CDC123: variants seen among roughly 807,000 people sequenced by gnomAD.
CDC123 encodes cell division cycle 123, also known as translation initiation factor eIF2 assembly protein.
A neutral mutation model predicts 54.4 loss-of-function variants in CDC123; 37 were observed. The observed-to-expected ratio is 0.68, with a 90% CI of 0.52 to 0.89. The LOEUF is 0.89. Among genes scored for constraint, CDC123 ranks in the 40% least tolerant of loss-of-function variants. CDC123 has a pLI of 0.00. For missense variants in CDC123, 361 were observed against 412.1 expected, an observed-to-expected ratio of 0.88 and a Z score of 1.07; for synonymous variants, 144 against 136.8, an observed-to-expected ratio of 1.05 and a Z score of -0.37.
intron 10 of CDC123, 54 bp from the exon 11 acceptor site, chr10:12,246,095 G>T (rs199634261): frequency 4.8e-5 from 76 of 1,575,802 alleles, no homozygotes; most frequent in Non-Finnish European, 5.3e-5. Context: ...TTCTTTCTCA[G>T]AAGACAGAGT....
intron 6 of CDC123, among the ~76,000 whole-genome samples, chr10:12,230,367 A>G (rs151289418): frequency 1.1e-4 from 17 of 151,960 alleles, no homozygotes; most frequent in African/African-American, 3.6e-4. Flanking sequence ...TAATTTTTGT[A>G]TTTTTACTAG....
chr10:12,198,421 A>C (rs2131728022), intron 1 of CDC123, among the ~76,000 whole-genome samples: 1 of 152,276 alleles, frequency 6.6e-6, no homozygotes, highest in Non-Finnish European at 1.5e-5. Context: ...TGTTGTGCTC[A>C]CTCAGAATCC....
intron 6 of CDC123, among the ~76,000 whole-genome samples, chr10:12,221,149 AT>A (rs1449605281): frequency 6.6e-6 from 1 of 151,974 alleles, no homozygotes; most frequent in Admixed American, 6.6e-5. Flanking sequence ...CAAAAAAAAA[AT>A]GTTACAGTCA....
intron 2 of CDC123, among the ~76,000 whole-genome samples, chr10:12,206,949 A>T (rs1280318966): frequency 8.1e-6 from 1 of 123,096 alleles, no homozygotes; most frequent in African/African-American, 3.3e-5. Context: ...ACAGAGCGAG[A>T]CTCCATCTCA....
At chr10:12,223,508 AC>A (rs1835764194) in intron 6 of CDC123, among the ~76,000 whole-genome samples, 3 of 151,394 alleles carry the variant, frequency 2.0e-5, no homozygotes, top group Non-Finnish European at 4.4e-5. Flanking sequence ...CTGGTCTTGA[AC>A]TCCTGACCTC....
chr10:12,245,928 C>T (rs1836128361), intron 10 of CDC123: 1 of 408,686 alleles, frequency 2.4e-6, no homozygotes, highest in Non-Finnish European at 4.4e-6. Flanking sequence ...AAATTAGCTG[C>T]ATGTGGTGGT....
chr10:12,242,532 G>A (rs1009908232), intron 10 of CDC123, among the ~76,000 whole-genome samples: 3 of 152,140 alleles, frequency 2.0e-5, no homozygotes, highest in East Asian at 1.9e-4. Context: ...GAGCTTGATC[G>A]GGGCAGGGAG....
chr10:12,215,718 A>G (rs767199777), intron 4 of CDC123, 22 bp from the exon 5 acceptor site: 29 of 1,480,630 alleles, frequency 2.0e-5, no homozygotes, highest in Non-Finnish European at 2.4e-5. Flanking sequence ...GACGTGCCCA[A>G]TGATTTCTTC....
At chr10:12,214,948 AG>A (rs563871463) in intron 4 of CDC123, among the ~76,000 whole-genome samples, 291 of 152,182 alleles carry the variant, frequency 1.9e-3, no homozygotes, top group African/African-American at 6.5e-3. Context: ...ATGTCTCTTG[AG>A]GGCCCTACTT....
chr10:12,205,508 TATAAA>T (rs1835507093), intron 2 of CDC123, among the ~76,000 whole-genome samples: 1 of 152,232 alleles, frequency 6.6e-6, no homozygotes, highest in Non-Finnish European at 1.5e-5. Context: ...AGATGCCAAT[TATAAA>T]ATACATTAGG....
intron 1 of CDC123, among the ~76,000 whole-genome samples, chr10:12,196,659 A>G (rs973156124): frequency 5.3e-5 from 8 of 152,208 alleles, no homozygotes; most frequent in African/African-American, 9.6e-5. Flanking sequence ...GCTTTTCGCC[A>G]TCACCCCAGA....
At chr10:12,241,433 G>C (rs1444688325) in intron 10 of CDC123, among the ~76,000 whole-genome samples, 1 of 151,930 alleles carries the variant, frequency 6.6e-6, no homozygotes, top group Non-Finnish European at 1.5e-5. Flanking sequence ...GTAACTTCTT[G>C]TTCTCCATTT....
At chr10:12,241,495 G>A (rs1253408776) in intron 10 of CDC123, among the ~76,000 whole-genome samples, 1 of 152,088 alleles carries the variant, frequency 6.6e-6, no homozygotes, top group Non-Finnish European at 1.5e-5. Context: ...ATGCGATATG[G>A]ATCCCCCTTA....
At chr10:12,231,183 C>T (rs1194357699) in intron 7 of CDC123, among the ~76,000 whole-genome samples, 187 bp downstream of exon 7, 2 of 151,964 alleles carry the variant, frequency 1.3e-5, no homozygotes, top group Admixed American at 1.3e-4. Flanking sequence ...GTGTATATAC[C>T]AAATACATGT....
intron 6 of CDC123, among the ~76,000 whole-genome samples, chr10:12,220,682 C>T (rs1835724025): frequency 6.6e-6 from 1 of 152,164 alleles, no homozygotes; most frequent in East Asian, 1.9e-4. Context: ...TTGAAGAGCT[C>T]TTAAAAGATT....
At chr10:12,237,047 A>G (rs1333615389) in intron 8 of CDC123, 97 bp from the exon 9 acceptor site, 3 of 1,364,486 alleles carry the variant, frequency 2.2e-6, no homozygotes, top group African/African-American at 1.5e-5. Flanking sequence ...CTTCTAATCT[A>G]CTTTAATGGT....
intron 7 of CDC123, among the ~76,000 whole-genome samples, chr10:12,233,536 ATT>A (rs1208904763): frequency 5.3e-5 from 8 of 152,178 alleles, no homozygotes; most frequent in Admixed American, 2.0e-4. Flanking sequence ...TTTCCAATAA[ATT>A]GTGTGCTACA....
chr10:12,239,021 G>A lies in CDC123; in HGVS notation c.717+536G>A, dbSNP rs572277487. Among the ~76,000 whole-genome samples the A allele has an allele frequency of 1.5e-3, 225 of 152,086 alleles. 1 individual carries two copies. Among genetic ancestry groups the A allele is most frequent in the Admixed American group, 2.5e-3 (38 of 15,256 alleles). ...GAAAAAAAAAATATCCGGGCCTGGT[G>A]GTGTTTGCCTGTAGTCCCAGTTATG... On this transcript the variant is annotated intron_variant, in intron 10 of 12. Transcript: ENST00000281141.
intron 11 of CDC123, 115 bp downstream of exon 11, chr10:12,246,392 T>C: frequency 8.3e-7 from 1 of 1,198,302 alleles, no homozygotes; most frequent in Non-Finnish European, 1.2e-6. Context: ...AAGCGCAGAG[T>C]GTAACACAGC....
Sources: gnomAD v4.1 joint callset for allele counts (sites outside exome capture counted in the v4.1 genomes callset) on GRCh38, gnomAD v4.1.1 for gene constraint, MANE v1.5 for transcripts, NCBI Gene and HGNC (gene_info 2026-07-23, HGNC 2026-07-21) for gene names.